OCSTAMP: variants seen among roughly 807,000 people sequenced by gnomAD.
The protein encoded by OCSTAMP is osteoclast stimulatory transmembrane protein, also known as transmembrane protein C20orf123.
Under a neutral mutation model 25.2 loss-of-function variants are expected in OCSTAMP, and 17 were observed. The observed-to-expected ratio is 0.68, with a 90% CI of 0.46 to 1.01. The LOEUF is 1.01. OCSTAMP is among the 50% of genes least tolerant of loss of function. The pLI, the probability that OCSTAMP is intolerant of heterozygous loss-of-function variation, is 0.00. For missense variants in OCSTAMP, 664 were observed against 694.6 expected, an observed-to-expected ratio of 0.96 and a Z score of 0.50; for synonymous variants, 345 against 318.9, an observed-to-expected ratio of 1.08 and a Z score of -0.87.
intron 1 of OCSTAMP, among the ~76,000 whole-genome samples, chr20:46,549,028 G>C (rs2061861890): frequency 1.3e-5 from 2 of 152,310 alleles, no homozygotes; most frequent in Non-Finnish European, 2.9e-5. Context: ...AACAGACAGA[G>C]AGTCCCAGTG....
At chr20:46,549,806 C>CTGTGTTTGTGTG (rs767000638) in intron 1 of OCSTAMP, among the ~76,000 whole-genome samples, 4 of 142,474 alleles carry the variant, frequency 2.8e-5, no homozygotes, top group African/African-American at 7.8e-5. Context: ...TTGTGGCCCA[C>CTGTGTTTGTGTG]TCTGTGTGTG....
At position 46,545,694 on chromosome 20, in the gene OCSTAMP, C is replaced by T. The variant is rs956842427; in HGVS notation, c.680G>A (p.Arg227Gln). ...LARAAALGTQ[R>Q]VVTGLFMLGL... is the part of the protein sequence containing the mutation. Reference sequence around the variant, plus strand: ...CAACATAAACAGCCCTGTGACCACTCGCTGGGTCCCTAGCGCTGCTGCCCG... The same window carrying T: ...CAACATAAACAGCCCTGTGACCACTTGCTGGGTCCCTAGCGCTGCTGCCCG... The change falls in exon 2 of 3, where the codon CGA becomes CAA. Residue 227 changes from arginine (R) to glutamine (Q), a missense_variant. Physicochemically the swap from Arg to Gln is conservative, Grantham distance 43 (BLOSUM62 1). Transcript: ENST00000279028. 20 of 1,551,510 alleles carry T rather than the reference C, an allele frequency of 1.3e-5. No individual in the cohort carries two copies. Among genetic ancestry groups the T allele is most frequent in the Middle Eastern group, 1.7e-4 (1 of 6,012 alleles).
Position 46,545,706 on chromosome 20 carries a change from A to T in OCSTAMP, c.668T>A (p.Leu223Gln). ...CCCTGTGACCACTCGCTGGGTCCCT[A>T]GCGCTGCTGCCCGGGCCAGGGACTC... ...GLESLARAAA[L>Q]GTQRVVTGLF... The change falls in exon 2 of 3, where the codon CTA becomes CAA. Residue 223 changes from leucine (L) to glutamine (Q), a missense_variant. Leu to Gln is a moderately radical substitution (Grantham distance 113, BLOSUM62 -2). Transcript: ENST00000279028. The T allele has an allele frequency of 6.4e-7, 1 of 1,551,596 alleles. No individual in the cohort carries two copies. The highest frequency in any genetic ancestry group is 8.7e-7 in the Non-Finnish European group (1 of 1,146,974).
Position 46,543,337 on chromosome 20 carries a change from T to C in OCSTAMP, c.1048-1410A>G, listed in dbSNP as rs932865680. ...TTCTTTCTTTCTTTCTTTCTTCGTT[T>C]CTTCCTTTTTTTTTTTTTGGAGTCT... On this transcript the variant is annotated intron_variant, in intron 2 of 2. Coordinates refer to ENST00000279028, the MANE Select transcript of OCSTAMP (RefSeq NM_080721.3). Among the ~76,000 whole-genome samples, 29 of 134,826 alleles carry C rather than the reference T, an allele frequency of 2.2e-4. 1 individual carries two copies. Among genetic ancestry groups the C allele is most frequent in the African/African-American group, 7.3e-4 (28 of 38,322 alleles). 88.5% of individuals were successfully genotyped at this position (134,826 alleles called of 152,430 possible).
intron 2 of OCSTAMP, among the ~76,000 whole-genome samples, chr20:46,543,294 T>TTC (rs1298005885): frequency 2.7e-4 from 27 of 98,750 alleles, no homozygotes; most frequent in South Asian, 7.9e-4. Context: ...TTTCTTTCTC[T>TTC]CTTTCTCTTT....
chr20:46,541,927 C>T lies in OCSTAMP; in HGVS notation c.1048G>A (p.Val350Met). ...VPITLTVKYD[V>M]AYTVLGFIPF... ...ATGAAGCCCAGGACAGTGTATGCCA[C>T]CTTGGGAAAGGAGAAAAAGGCAGGG... The change falls in exon 3 of 3, where the codon GTG (valine) becomes ATG (methionine). Residue 350 changes from valine to methionine, a missense_variant and splice_region_variant. Physicochemically the swap from Val to Met is conservative, Grantham distance 21. Transcript: ENST00000279028. The T allele has an allele frequency of 7.0e-7, 1 of 1,419,958 alleles. No homozygotes were observed. The highest frequency in any genetic ancestry group is 9.2e-7 in the Non-Finnish European group (1 of 1,086,906). 88.0% of individuals were successfully genotyped at this position (1,419,958 alleles called of 1,614,324 possible).
chr20:46,550,013 C>T (rs1036743826), intron 1 of OCSTAMP, among the ~76,000 whole-genome samples: 3 of 152,170 alleles, frequency 2.0e-5, no homozygotes, highest in Admixed American at 6.5e-5. Context: ...GATCAATGAA[C>T]GGGTCCGTCT....
chr20:46,545,991 G>T lies in OCSTAMP; in HGVS notation c.383C>A (p.Ala128Asp), dbSNP rs1482179196. ...GRRLLLSYSTATLAIAVVPNV... is the reference protein window; with the variant it reads ...GRRLLLSYSTDTLAIAVVPNV... ...GGGCACCACAGCAATGGCCAGGGTG[G>T]CAGTGCTGTAGGACAGGAGCAGCCG... The change falls in exon 2 of 3, where the codon GCC becomes GAC. Residue 128 changes from alanine (A) to aspartate (D), a missense_variant. Ala to Asp is a moderately radical substitution (Grantham distance 126). Transcript: ENST00000279028. 2 of 1,551,374 alleles carry T rather than the reference G, an allele frequency of 1.3e-6. No individual in the cohort carries two copies. The highest frequency in any genetic ancestry group is 1.7e-6 in the Non-Finnish European group (2 of 1,146,990).
At position 46,541,586 on chromosome 20, in the gene OCSTAMP, T is replaced by C. The variant is rs1373428699; in HGVS notation, c.1389A>G (p.Leu463=). The change falls in exon 3 of 3, where the codon CTA becomes CTG. Residue 463 remains leucine (L), a synonymous_variant. Coordinates refer to ENST00000279028, the MANE Select transcript of OCSTAMP (RefSeq NM_080721.3). ...GTGTGGGGACGCAAGAAGGATCCCC[T>C]AGGGGCAGCTGCTGGCCTTGGTGCC... ...HDRHQGQQLP[L]GDPSCVPTPR... is the part of the protein sequence containing the mutation. The C allele has an allele frequency of 1.3e-6, 2 of 1,551,632 alleles. No homozygotes were observed. The highest frequency in any genetic ancestry group is 1.4e-5 in the African/African-American group (1 of 73,160).
intron 2 of OCSTAMP, among the ~76,000 whole-genome samples, chr20:46,543,431 C>T (rs906115062): frequency 5.3e-5 from 8 of 150,670 alleles, no homozygotes; most frequent in East Asian, 3.9e-4. Flanking sequence ...CAGGTTCAAG[C>T]GATTATCTCA....
Position 46,546,043 on chromosome 20 carries a change from G to T in OCSTAMP, c.331C>A (p.Pro111Thr). The change falls in exon 2 of 3, where the codon CCC (proline) becomes ACC (threonine). Residue 111 changes from proline (P) to threonine (T), a missense_variant. Coordinates refer to ENST00000279028, the MANE Select transcript of OCSTAMP (RefSeq NM_080721.3). ...PVRCLFALSV[P>T]TLGMEQGRRL... ...CGGCCCTGCTCCATACCCAGGGTGG[G>T]CACGCTGAGTGCAAACAGGCAGCGG... The T allele has an allele frequency of 6.4e-7, 1 of 1,551,532 alleles. No homozygotes were observed. The highest frequency in any genetic ancestry group is 8.7e-7 in the Non-Finnish European group (1 of 1,147,000).
intron 2 of OCSTAMP, 46 bp downstream of exon 2, chr20:46,545,281 C>A (rs1007686236): frequency 1.4e-6 from 2 of 1,425,388 alleles, no homozygotes; most frequent in Admixed American, 6.0e-5. Flanking sequence ...TCTCCCCCTG[C>A]CCTCAAAACA....
At chr20:46,543,529 A>AT (rs1055242829) in intron 2 of OCSTAMP, among the ~76,000 whole-genome samples, 3 of 151,572 alleles carry the variant, frequency 2.0e-5, no homozygotes, top group Non-Finnish European at 2.9e-5. Flanking sequence ...GGGTTTCACC[A>AT]TGTTGTTGGC....
At chr20:46,545,144 C>T (rs1390712491) in intron 2 of OCSTAMP, among the ~76,000 whole-genome samples, 183 bp downstream of exon 2, 1 of 152,094 alleles carries the variant, frequency 6.6e-6, no homozygotes, top group African/African-American at 2.4e-5. Flanking sequence ...AAATAGAAAC[C>T]ACTTCCTAGA....
intron 2 of OCSTAMP, among the ~76,000 whole-genome samples, chr20:46,542,132 A>C (rs1307296712): frequency 2.0e-5 from 3 of 152,236 alleles, no homozygotes; most frequent in African/African-American, 7.2e-5. Flanking sequence ...TACAAATGTT[A>C]CTAAGGTTAG....
At chr20:46,546,955 C>T (rs1171589689) in intron 1 of OCSTAMP, among the ~76,000 whole-genome samples, 1 of 152,136 alleles carries the variant, frequency 6.6e-6, no homozygotes, top group Admixed American at 6.5e-5. Context: ...ACAGAAGTCC[C>T]TACCTTCGTG....
chr20:46,549,560 G>C (rs1042888500), intron 1 of OCSTAMP, among the ~76,000 whole-genome samples: 1 of 152,194 alleles, frequency 6.6e-6, no homozygotes, highest in Non-Finnish European at 1.5e-5. Context: ...CCTGGAAGAG[G>C]TGACATTCCA....
At chr20:46,547,771 A>G (rs749944300) in intron 1 of OCSTAMP, among the ~76,000 whole-genome samples, 7 of 152,244 alleles carry the variant, frequency 4.6e-5, no homozygotes, top group Admixed American at 6.5e-5. Context: ...TTTCTACACT[A>G]AAACAGCAGG....
At chr20:46,543,812 C>T (rs1819189524) in intron 2 of OCSTAMP, among the ~76,000 whole-genome samples, 1 of 152,156 alleles carries the variant, frequency 6.6e-6, no homozygotes, top group Admixed American at 6.5e-5. Flanking sequence ...AATGGTGTGA[C>T]TTGCAATTGA....
Sources: allele counts gnomAD v4.1 joint callset (sites outside exome capture counted in the v4.1 genomes callset), GRCh38; gene constraint gnomAD v4.1.1; transcripts MANE v1.5; gene names NCBI Gene and HGNC (gene_info 2026-07-23, HGNC 2026-07-21).